Variants in NELL1 observed in about 807,000 individuals in gnomAD.
NELL1 encodes the protein neural EGFL like 1.
NELL1 carries 76 observed loss-of-function variants against 107.4 expected under a neutral mutation model. That is an observed-to-expected ratio of 0.71 (90% CI 0.59 to 0.86). NELL1 has a LOEUF of 0.86. Ranked by LOEUF, NELL1 falls within the 40% of genes least tolerant of loss-of-function variation. NELL1 has a pLI of 0.00. For synonymous variants in NELL1, 353 were observed against 341.2 expected (o/e 1.03, Z -0.38); for missense variants, 1,024 against 1,005.5 (o/e 1.02, Z -0.25).
chr11:21,570,558 A>G (rs1056348998), intron 17 of NELL1, among the ~76,000 whole-genome samples: 9 of 151,900 alleles, frequency 5.9e-5, no homozygotes, highest in Non-Finnish European at 8.8e-5. Context: ...AAACTTAAAA[A>G]TGTTCCTATT....
At chr11:20,776,354 G>A (rs532474774) in intron 2 of NELL1, among the ~76,000 whole-genome samples, 44 of 152,148 alleles carry the variant, frequency 2.9e-4, no homozygotes, top group Non-Finnish European at 5.0e-4. Flanking sequence ...CAGGAGAATC[G>A]CTTGAACCCG....
chr11:21,309,270 A>T, intron 14 of NELL1, among the ~76,000 whole-genome samples: 1 of 37,530 alleles, frequency 2.7e-5, no homozygotes, highest in East Asian at 6.1e-4. Flanking sequence ...GTATATATAT[A>T]TATATATATG....
intron 13 of NELL1, among the ~76,000 whole-genome samples, chr11:21,204,417 T>C (rs1168569826): frequency 6.6e-6 from 1 of 151,904 alleles, no homozygotes; most frequent in East Asian, 2.0e-4. Flanking sequence ...TTGATACCAA[T>C]GTATGCTTCA....
intron 15 of NELL1, among the ~76,000 whole-genome samples, chr11:21,395,530 A>G (rs1032569682): frequency 6.6e-6 from 1 of 151,544 alleles, no homozygotes; most frequent in Non-Finnish European, 1.5e-5. Context: ...CTTAAGAAAT[A>G]TTTCTAACTT....
intron 14 of NELL1, among the ~76,000 whole-genome samples, chr11:21,334,413 C>T (rs1039856288): frequency 6.6e-5 from 10 of 151,962 alleles, no homozygotes; most frequent in East Asian, 3.9e-4. Flanking sequence ...AAAGCCCTTA[C>T]GAAAACAGGC....
chr11:21,249,475 C>T (rs1315452062), intron 14 of NELL1, among the ~76,000 whole-genome samples: 1 of 150,926 alleles, frequency 6.6e-6, no homozygotes, highest in Non-Finnish European at 1.5e-5. Context: ...GTTACAAAAC[C>T]TAAGCCCATA....
In NELL1 at chr11:21,560,286, C is replaced by T. The variant is rs1172952469; in HGVS notation, c.1884C>T (p.Pro628=). The change falls in exon 17 of 20, where the codon CCC becomes CCT. Residue 628 remains proline, a synonymous_variant. Coordinates refer to ENST00000357134, the MANE Select transcript of NELL1 (RefSeq NM_006157.5). ...TTGACTGTCTCTGCCCCTCTGGGCCCTCCTGCTCTGGTGACTGTCCTCATG... is the reference window on the plus strand; with the variant it reads ...TTGACTGTCTCTGCCCCTCTGGGCCTTCCTGCTCTGGTGACTGTCCTCATG... ...GGFDCLCPSG[P]SCSGDCPHEG... is the part of the protein sequence containing the mutation. The T allele has an allele frequency of 1.2e-6, 2 of 1,613,538 alleles. No individual in the cohort carries two copies. The highest frequency in any genetic ancestry group is 1.1e-5 in the South Asian group (1 of 91,066).
At chr11:20,932,877 G>C (rs1850647308) in intron 9 of NELL1, among the ~76,000 whole-genome samples, 1 of 152,242 alleles carries the variant, frequency 6.6e-6, no homozygotes, top group African/African-American at 2.4e-5. Flanking sequence ...AAGTCACACA[G>C]AGAAGGGAGT....
intron 12 of NELL1, among the ~76,000 whole-genome samples, chr11:20,997,658 G>A (rs1398014850): frequency 2.6e-5 from 4 of 152,168 alleles, no homozygotes; most frequent in Non-Finnish European, 4.4e-5. Context: ...TTTTTTGTGT[G>A]TGTAAAATTA....
chr11:20,999,107 T>C lies in NELL1; in HGVS notation c.1300+38547T>C, dbSNP rs76203000. The stretch of plus-strand genomic sequence containing the variant: ...GTGATGTTTTACATTATTTGCCACA[T>C]CCCCATGCTAAGTCAATGATGGATA... On this transcript the variant is annotated intron_variant, in intron 12 of 19. Transcript: ENST00000357134. 5.8e-4 allele frequency among the ~76,000 whole-genome samples: 88 copies of C among 152,288 alleles called. 1 individual carries two copies. In the East Asian group the frequency reaches 0.017, roughly 29 times the overall value.
chr11:21,010,720 G>C (rs1197230807), intron 12 of NELL1, among the ~76,000 whole-genome samples: 1 of 152,076 alleles, frequency 6.6e-6, no homozygotes, highest in African/African-American at 2.4e-5. Flanking sequence ...TGAAAAGTGA[G>C]GTGCCGTAAA....
At chr11:21,249,447 TAGC>T (rs1858582154) in intron 14 of NELL1, among the ~76,000 whole-genome samples, 2 of 152,038 alleles carry the variant, frequency 1.3e-5, no homozygotes, top group South Asian at 2.1e-4. Context: ...TCATATTTGA[TAGC>T]AGCTTTTTTT....
At chr11:20,822,500 T>C (rs1211612721) in intron 3 of NELL1, among the ~76,000 whole-genome samples, 1 of 152,210 alleles carries the variant, frequency 6.6e-6, no homozygotes, top group African/African-American at 2.4e-5. Context: ...AGAGTCATTC[T>C]TGGGGCAGGT....
At chr11:21,339,931 C>T (rs556153448) in intron 14 of NELL1, among the ~76,000 whole-genome samples, 96 of 152,188 alleles carry the variant, frequency 6.3e-4, no homozygotes, top group Middle Eastern at 6.8e-3. Flanking sequence ...GTAAATGCTC[C>T]GTGAGGCAAA....
chr11:21,201,128 C>T (rs1857260499), intron 13 of NELL1, among the ~76,000 whole-genome samples: 1 of 152,020 alleles, frequency 6.6e-6, no homozygotes, highest in African/African-American at 2.4e-5. Flanking sequence ...TTTTTTGGTT[C>T]CATATGAAAT....
chr11:21,210,108 T>G (rs1308217074), intron 13 of NELL1, among the ~76,000 whole-genome samples: 3 of 152,212 alleles, frequency 2.0e-5, no homozygotes, highest in Non-Finnish European at 4.4e-5. Context: ...TGCATGGATA[T>G]GCTGCATTTT....
intron 7 of NELL1, among the ~76,000 whole-genome samples, chr11:20,926,571 ATAATCAC>A (rs1685560449): frequency 6.6e-6 from 1 of 152,240 alleles, no homozygotes; most frequent in African/African-American, 2.4e-5. Context: ...CAAAGGCTAG[ATAATCAC>A]TTGAGGTTTC....
chr11:20,728,641 G>C (rs1042519845), intron 2 of NELL1, among the ~76,000 whole-genome samples: 7 of 150,782 alleles, frequency 4.6e-5, no homozygotes, highest in African/African-American at 1.7e-4. Flanking sequence ...CTTTATTTCT[G>C]GGTTCTCTAT....
rs143163946 is a variant in NELL1, at chr11:20,905,162, T to C, written c.604-13020T>C. On this transcript the variant is annotated intron_variant, in intron 5 of 19. Transcript: ENST00000357134. ...GCCCAAAATACTTTATAACATAAGA[T>C]TAGGAACAGAGATTTCAGTTACTAC... 5.1e-3 allele frequency among the ~76,000 whole-genome samples: 773 copies of C among 152,054 alleles called. 18 individuals carry two copies. Among genetic ancestry groups the C allele is most frequent in the South Asian group, 1.5e-3 (7 of 4,810 alleles).
Sources: gnomAD v4.1 joint callset for allele counts (sites outside exome capture counted in the v4.1 genomes callset) on GRCh38, gnomAD v4.1.1 for gene constraint, MANE v1.5 for transcripts, NCBI Gene and HGNC (gene_info 2026-07-23, HGNC 2026-07-21) for gene names.